Variants in OSBPL10 observed in about 807,000 individuals in gnomAD.
OSBPL10 encodes oxysterol binding protein like 10.
Under a neutral mutation model 81.7 loss-of-function variants are expected in OSBPL10, and 49 were observed. The ratio of observed to expected loss-of-function variants is 0.60; its 90% CI spans 0.48 to 0.76. The LOEUF is 0.76. OSBPL10 is among the 30% of genes least tolerant of loss of function. OSBPL10 has a pLI of 0.00. For synonymous variants in OSBPL10, 419 were observed against 383.6 expected, an observed-to-expected ratio of 1.09 and a Z score of -1.08; for missense variants, 923 against 987.8, an observed-to-expected ratio of 0.93 and a Z score of 0.88.
chr3:31,838,233 G>A (rs1455539705), intron 3 of OSBPL10, among the ~76,000 whole-genome samples: 3 of 152,074 alleles, frequency 2.0e-5, no homozygotes, highest in African/African-American at 4.8e-5. Context: ...TATTGTGGCC[G>A]GGCACTGTGG....
chr3:31,957,220 TA>T (rs1698034164), intron 1 of OSBPL10, among the ~76,000 whole-genome samples: 1 of 152,222 alleles, frequency 6.6e-6, no homozygotes, highest in South Asian at 2.1e-4. Context: ...TTTGTTTTTT[TA>T]ACTATCACAA....
intron 3 of OSBPL10, among the ~76,000 whole-genome samples, chr3:31,834,876 C>T (rs1218580181): frequency 6.6e-6 from 1 of 152,156 alleles, no homozygotes; most frequent in African/African-American, 2.4e-5. Flanking sequence ...TGGGCTCCAA[C>T]ACTTGCAAGC....
At chr3:32,027,658 C>G (rs1365770603) in intron 2 of OSBPL10, among the ~76,000 whole-genome samples, 1 of 152,030 alleles carries the variant, frequency 6.6e-6, no homozygotes, top group African/African-American at 2.4e-5. Flanking sequence ...TTTTAACAGA[C>G]AGGGTCTCAC....
At chr3:31,784,204 A>G (rs1389524593) in intron 4 of OSBPL10, among the ~76,000 whole-genome samples, 1 of 151,786 alleles carries the variant, frequency 6.6e-6, no homozygotes, top group African/African-American at 2.4e-5. Context: ...ACAAAACAAA[A>G]CAAAAAAACT....
At chr3:31,721,231 A>G (rs1414627174) in intron 6 of OSBPL10, among the ~76,000 whole-genome samples, 1 of 152,250 alleles carries the variant, frequency 6.6e-6, no homozygotes, top group East Asian at 1.9e-4. Flanking sequence ...GCGTTCAGAA[A>G]GCAACACAGC....
intron 1 of OSBPL10, among the ~76,000 whole-genome samples, chr3:31,926,288 T>TTCCCCCCCCCCCCCCC (rs1034706033): frequency 2.3e-5 from 2 of 88,148 alleles, no homozygotes; most frequent in African/African-American, 4.9e-5. Flanking sequence ...TGGGTGATTT[T>TTCCCCCCCCCCCCCCC]GCCCCCCCAG....
chr3:31,952,993 T>G (rs1224971519), intron 1 of OSBPL10, among the ~76,000 whole-genome samples: 1 of 146,248 alleles, frequency 6.8e-6, no homozygotes, highest in African/African-American at 2.6e-5. Flanking sequence ...AGTGCAATGG[T>G]GCAATCTCGG....
intron 2 of OSBPL10, among the ~76,000 whole-genome samples, chr3:32,015,592 T>G (rs1397693534): frequency 1.3e-5 from 2 of 152,064 alleles, no homozygotes; most frequent in South Asian, 4.1e-4. Context: ...AAGCCAAAAT[T>G]GACAAATGGA....
At chr3:32,022,396 T>C (rs187247511) in intron 2 of OSBPL10, among the ~76,000 whole-genome samples, 5 of 152,218 alleles carry the variant, frequency 3.3e-5, no homozygotes, top group Non-Finnish European at 7.4e-5. Context: ...ACAGGCAAAG[T>C]CATAAATCAA....
chr3:31,732,828 C>T (rs1220475918), intron 6 of OSBPL10: 1 of 216,148 alleles, frequency 4.6e-6, no homozygotes, highest in East Asian at 1.7e-4. Context: ...CAGATCCCGG[C>T]CTGGCTCAGG....
At chr3:31,863,609 C>T (rs909740531) in intron 3 of OSBPL10, among the ~76,000 whole-genome samples, 1 of 152,208 alleles carries the variant, frequency 6.6e-6, no homozygotes, top group Non-Finnish European at 1.5e-5. Flanking sequence ...AAGAAAAGTA[C>T]TTAGCATAGT....
chr3:32,003,401 T>A (rs549737455), intron 2 of OSBPL10, among the ~76,000 whole-genome samples: 2 of 152,292 alleles, frequency 1.3e-5, no homozygotes, highest in South Asian at 4.1e-4. Flanking sequence ...GCAAAGCTGA[T>A]CCCTGTGTGG....
chr3:31,993,671 T>TAC (rs1286675523), intron 2 of OSBPL10, among the ~76,000 whole-genome samples: 156 of 126,780 alleles, frequency 1.2e-3, no homozygotes, highest in African/African-American at 6.3e-3. Flanking sequence ...TTAACATGAC[T>TAC]ACACACACAT....
chr3:31,892,706 TGAGG>T (rs1325504892), intron 1 of OSBPL10, among the ~76,000 whole-genome samples: 3 of 152,138 alleles, frequency 2.0e-5, no homozygotes, highest in Non-Finnish European at 2.9e-5. Flanking sequence ...TTCTGCTGCC[TGAGG>T]GAGAGGGAGA....
intron 1 of OSBPL10, among the ~76,000 whole-genome samples, chr3:31,890,108 T>TCA (rs1365873825): frequency 6.6e-6 from 1 of 151,012 alleles, no homozygotes; most frequent in Non-Finnish European, 1.5e-5. Context: ...TCCAAGTGAT[T>TCA]CAGAAGCACC....
At chr3:31,781,462 G>T (rs1236755420) in intron 4 of OSBPL10, among the ~76,000 whole-genome samples, 1 of 152,126 alleles carries the variant, frequency 6.6e-6, no homozygotes, top group African/African-American at 2.4e-5. Flanking sequence ...GTCCTAGCCA[G>T]AGCAATCAGA....
At chr3:31,989,461 A>G (rs985930026) in intron 2 of OSBPL10, 15 of 1,614,136 alleles carry the variant, frequency 9.3e-6, no homozygotes, top group Non-Finnish European at 1.1e-5. Flanking sequence ...TGAAGCAACT[A>G]TGACACAAAT....
At chr3:31,989,513 A>T (rs1390357444) in intron 2 of OSBPL10, 1 of 1,614,088 alleles carries the variant, frequency 6.2e-7, no homozygotes, top group East Asian at 2.2e-5. Flanking sequence ...GATCGAAGGC[A>T]TCCTGGAAAC....
chr3:31,858,973 T>C (rs1447787268), intron 3 of OSBPL10, among the ~76,000 whole-genome samples: 3 of 152,208 alleles, frequency 2.0e-5, no homozygotes, highest in East Asian at 1.9e-4. Flanking sequence ...ATCTGTGTTA[T>C]AAAAAGAATA....
Sources: allele counts gnomAD v4.1 joint callset (sites outside exome capture counted in the v4.1 genomes callset), GRCh38; gene constraint gnomAD v4.1.1; transcripts MANE v1.5; gene names NCBI Gene and HGNC (gene_info 2026-07-23, HGNC 2026-07-21).